KIAA2012: variants seen among roughly 807,000 people sequenced by gnomAD.
KIAA2012 encodes the protein KIAA2012.
In KIAA2012, 125 loss-of-function variants were observed where a neutral mutation model predicts 150.6. The ratio of observed to expected loss-of-function variants is 0.83; its 90% CI spans 0.72 to 0.96. The LOEUF (loss-of-function observed/expected upper bound fraction) is 0.96. KIAA2012 is among the 40% of genes least tolerant of loss of function. KIAA2012 has a pLI of 0.00. For synonymous variants in KIAA2012, 462 were observed against 504.7 expected, an observed-to-expected ratio of 0.92 and a Z score of 1.13; for missense variants, 1,219 against 1,354.9, an observed-to-expected ratio of 0.90 and a Z score of 1.57.
intron 2 of KIAA2012, among the ~76,000 whole-genome samples, chr2:202,089,597 G>A (rs574661735): frequency 6.6e-6 from 1 of 152,302 alleles, no homozygotes. Flanking sequence ...TTAGCCAAAG[G>A]GGACTAAGTG....
chr2:202,144,354 G>C (rs1426160719), intron 13 of KIAA2012, among the ~76,000 whole-genome samples: 1 of 152,092 alleles, frequency 6.6e-6, no homozygotes, highest in African/African-American at 2.4e-5. Context: ...TGTATCCTAA[G>C]TGTATCTCTT....
chr2:202,192,454 C>CTTTTT (rs71406952), intron 19 of KIAA2012, among the ~76,000 whole-genome samples: 4 of 120,366 alleles, frequency 3.3e-5, no homozygotes, highest in African/African-American at 6.1e-5. Context: ...AAAATAGCTT[C>CTTTTT]TTTTTTTTTT....
At chr2:202,126,414 T>C (rs989849657) in intron 12 of KIAA2012, among the ~76,000 whole-genome samples, 3 of 152,212 alleles carry the variant, frequency 2.0e-5, no homozygotes, top group Admixed American at 6.5e-5. Flanking sequence ...AAGTCACAAC[T>C]GTATCCTTGC....
rs181562209 is a variant in KIAA2012 at position 202,130,896 on chromosome 2, A to G, written c.1831+5614A>G. 3.1e-3 allele frequency among the ~76,000 whole-genome samples: 470 copies of G among 152,150 alleles called. 5 individuals carry two copies. Among genetic ancestry groups the G allele is most frequent in the African/African-American group, 0.011 (445 of 41,548 alleles). On this transcript the variant is annotated intron_variant, in intron 12 of 23. Transcript: ENST00000498697. ...TGTGCCACTGCACTCCAGCCTGGCA[A>G]CAGAGCGAGACTCCATCTCAAAAAT...
At position 202,184,761 on chromosome 2, in the gene KIAA2012, C is replaced by T. The variant is rs773322503; in HGVS notation, c.2128C>T (p.Pro710Ser). The change falls in exon 16 of 24, where the codon CCA (proline) becomes TCA (serine). Residue 710 changes from proline (P) to serine (S), a missense_variant. Physicochemically the swap from Pro to Ser is moderately conservative, Grantham distance 74. Coordinates refer to ENST00000498697, the MANE Select transcript of KIAA2012 (RefSeq NM_001277372.4). ...ETHHNDQDPE[P>S]RSMTLDSPRA... is the part of the protein sequence containing the mutation. ...ATACTCTGTTTTCACAGACCCAGAG[C>T]CAAGGAGTATGACCCTTGACTCTCC... 38 of 1,541,154 alleles carry T rather than the reference C, an allele frequency of 2.5e-5. No homozygotes were observed. In the South Asian group the frequency reaches 4.0e-4, roughly 16 times the overall value.
At chr2:202,181,045 C>T (rs1370283870) in intron 15 of KIAA2012, among the ~76,000 whole-genome samples, 2 of 152,086 alleles carry the variant, frequency 1.3e-5, no homozygotes, top group East Asian at 3.9e-4. Context: ...TCACAGCTCA[C>T]GGCAGCTTCG....
intron 21 of KIAA2012, among the ~76,000 whole-genome samples, chr2:202,194,702 T>C (rs1206598659): frequency 5.3e-5 from 8 of 151,072 alleles, no homozygotes; most frequent in Admixed American, 5.3e-4. Flanking sequence ...GGGCAGACTT[T>C]CAGGTGCTGA....
At chr2:202,090,006 G>A (rs2105914456) in intron 2 of KIAA2012, among the ~76,000 whole-genome samples, 1 of 152,284 alleles carries the variant, frequency 6.6e-6, no homozygotes, top group South Asian at 2.1e-4. Context: ...GATTGATTAG[G>A]GATGTCTGCC....
In KIAA2012 at chr2:202,087,510, C is replaced by CAAA. The variant is rs59728832; in HGVS notation, c.370-3237_370-3235dup. Among the ~76,000 whole-genome samples, 406 of 52,308 alleles carry CAAA rather than the reference C, an allele frequency of 7.8e-3. 18 individuals carry two copies. Among genetic ancestry groups the CAAA allele is most frequent in the African/African-American group, 0.015 (177 of 11,822 alleles). The allele number at this position is 52,308 out of a possible 152,430, so 34.3% of individuals were successfully genotyped here. On this transcript the variant is annotated intron_variant, in intron 2 of 23. Transcript: ENST00000498697. Reference sequence around the variant, plus strand: ...CCTGGTTGACAAAGCGAAACCATCTCAAAAAAAAAAAAAAAAAAAAAAAAA... The same window carrying CAAA: ...CCTGGTTGACAAAGCGAAACCATCTCAAAAAAAAAAAAAAAAAAAAAAAAAAAA...
At chr2:202,174,431 A>G (rs1691953717) in intron 15 of KIAA2012, among the ~76,000 whole-genome samples, 1 of 152,228 alleles carries the variant, frequency 6.6e-6, no homozygotes, top group African/African-American at 2.4e-5. Flanking sequence ...TCCAGACTAT[A>G]TTATTACTTA....
chr2:202,107,888 A>G (rs1163141490), intron 9 of KIAA2012, among the ~76,000 whole-genome samples: 1 of 152,152 alleles, frequency 6.6e-6, no homozygotes, highest in East Asian at 1.9e-4. Context: ...ACACACCTGT[A>G]ATCCCAGCTA....
intron 11 of KIAA2012, 71 bp downstream of exon 11, chr2:202,113,517 A>G (rs1226604537): frequency 9.3e-7 from 1 of 1,072,624 alleles, no homozygotes; most frequent in Non-Finnish European, 1.3e-6. Context: ...TGCAGCTTCC[A>G]AATTTTCCCA....
Position 202,084,368 on chromosome 2 carries a change from G to A in KIAA2012, c.370-6402G>A, listed in dbSNP as rs147503126. 3.4e-3 allele frequency among the ~76,000 whole-genome samples: 517 copies of A among 152,330 alleles called. 1 individual carries two copies. Among genetic ancestry groups the A allele is most frequent in the African/African-American group, 0.011 (476 of 41,578 alleles). The stretch of plus-strand genomic sequence containing the variant: ...CAGGTGGACAAGACAGCCAGTGCGG[G>A]GGAAGGGACAGTTACACAGGAGTCC... On this transcript the variant is annotated intron_variant, in intron 2 of 23. Transcript: ENST00000498697.
At chr2:202,075,263 C>A in intron 2 of KIAA2012, 88 bp downstream of exon 2, 1 of 1,397,308 alleles carries the variant, frequency 7.2e-7, no homozygotes, top group Non-Finnish European at 9.5e-7. Flanking sequence ...TTTCTTGGAC[C>A]CGGGGAAGGT....
chr2:202,083,458 C>A (rs190850181), intron 2 of KIAA2012, among the ~76,000 whole-genome samples: 2 of 151,216 alleles, frequency 1.3e-5, no homozygotes, highest in Non-Finnish European at 2.9e-5. Flanking sequence ...GGTGCAACGA[C>A]AATGATCAGT....
intron 13 of KIAA2012, among the ~76,000 whole-genome samples, chr2:202,142,912 G>C (rs1476923152): frequency 6.6e-6 from 1 of 151,234 alleles, no homozygotes; most frequent in Non-Finnish European, 1.5e-5. Context: ...GGACCAGATA[G>C]TCTTTGTTGT....
At chr2:202,139,058 G>A (rs1053401576) in intron 13 of KIAA2012, among the ~76,000 whole-genome samples, 2 of 151,894 alleles carry the variant, frequency 1.3e-5, no homozygotes, top group African/African-American at 4.8e-5. Context: ...CCAACGTGGT[G>A]AAACCAACCC....
chr2:202,108,596 T>C, intron 9 of KIAA2012, among the ~76,000 whole-genome samples: 1 of 152,238 alleles, frequency 6.6e-6, no homozygotes, highest in East Asian at 1.9e-4. Context: ...TACCTTCGAT[T>C]TGGATTTTTC....
chr2:202,190,331 C>G lies in KIAA2012; in HGVS notation c.2649C>G (p.Ser883=). 6.4e-7 allele frequency: 1 copy of G among 1,550,562 alleles called. No homozygotes were observed. The highest frequency in any genetic ancestry group is 8.7e-7 in the Non-Finnish European group (1 of 1,147,016). Residue 883 remains serine, a synonymous_variant, in exon 19 of 24, where the codon TCC becomes TCG. Coordinates refer to ENST00000498697, the MANE Select transcript of KIAA2012 (RefSeq NM_001277372.4). ...EETEDTSNRG[S]FASDSFVEDP... is the part of the protein sequence containing the mutation. The stretch of plus-strand genomic sequence containing the variant: ...CAGAAGACACCTCAAATAGAGGTTC[C>G]TTTGCCTCAGACTCCTTTGTAGAGG...
Sources: gnomAD v4.1 joint callset for allele counts (sites outside exome capture counted in the v4.1 genomes callset) on GRCh38, gnomAD v4.1.1 for gene constraint, MANE v1.5 for transcripts, NCBI Gene and HGNC (gene_info 2026-07-23, HGNC 2026-07-21) for gene names.